LIN28B: variants seen among roughly 807,000 people sequenced by gnomAD.
The protein encoded by LIN28B is lin-28 RNA binding posttranscriptional regulator B.
A neutral mutation model predicts 21.9 loss-of-function variants in LIN28B; 5 were observed. The observed-to-expected ratio is 0.23, with a 90% CI of 0.12 to 0.48. The LOEUF is 0.48. LIN28B is among the 20% of genes least tolerant of loss of function. LIN28B has a pLI of 0.98. For missense variants in LIN28B, 245 were observed against 310.5 expected (o/e 0.79, Z 1.58); for synonymous variants, 109 against 111.3 (o/e 0.98, Z 0.13).
rs112265643 is a variant in LIN28B at position 105,068,632 on chromosome 6, A to G, written c.384-9782A>G. ...TTCCAAACACACGATTTATTATGCA[A>G]CAGAAAGAACCAAATGGCAATTATA... is the stretch of plus-strand genomic sequence containing the variant. On this transcript the variant is annotated intron_variant, in intron 3 of 3. Coordinates refer to ENST00000345080, the MANE Select transcript of LIN28B (RefSeq NM_001004317.4). 1.2e-3 allele frequency among the ~76,000 whole-genome samples: 189 copies of G among 152,328 alleles called. 2 individuals are homozygous for G. The highest frequency in any genetic ancestry group is 4.4e-3 in the African/African-American group (184 of 41,572).
intron 2 of LIN28B, among the ~76,000 whole-genome samples, chr6:104,991,138 G>A (rs1372117177): frequency 1.6e-4 from 6 of 38,598 alleles, no homozygotes; most frequent in Admixed American, 3.6e-4. Context: ...AGGGGCGGCC[G>A]GGCAGAGGCG....
chr6:104,965,363 C>G (rs1285518773), intron 2 of LIN28B, among the ~76,000 whole-genome samples: 1 of 152,016 alleles, frequency 6.6e-6, no homozygotes, highest in Non-Finnish European at 1.5e-5. Flanking sequence ...CCGTCCCTAC[C>G]AAAAAAATTA....
At chr6:105,058,187 G>T (rs1044028401) in intron 3 of LIN28B, 9 of 278,318 alleles carry the variant, frequency 3.2e-5, no homozygotes, top group Non-Finnish European at 5.7e-5. Context: ...GAAATTCTCA[G>T]CTTGAGTTGT....
chr6:105,051,893 T>G (rs1271223120), intron 3 of LIN28B, among the ~76,000 whole-genome samples: 1 of 152,204 alleles, frequency 6.6e-6, no homozygotes, highest in Non-Finnish European at 1.5e-5. Context: ...AAAAACAGAC[T>G]TATTAATAAA....
At chr6:105,042,311 A>G (rs551539627) in intron 3 of LIN28B, among the ~76,000 whole-genome samples, 1 of 152,340 alleles carries the variant, frequency 6.6e-6, no homozygotes, top group South Asian at 2.1e-4. Context: ...TTTCAAGAAG[A>G]CAATGAGCTT....
rs116637445 is a variant in LIN28B, at chr6:105,032,691, T to G, written c.383+6209T>G. On this transcript the variant is annotated intron_variant, in intron 3 of 3. Coordinates refer to ENST00000345080, the MANE Select transcript of LIN28B (RefSeq NM_001004317.4). ...GGGTCGTGATCAGTCTACTGCACCC[T>G]AGCCAGGGTGACAGCAAGACCCTGC... 3.1e-3 allele frequency among the ~76,000 whole-genome samples: 470 copies of G among 151,994 alleles called. 6 individuals are homozygous for G. The highest frequency in any genetic ancestry group is 0.011 in the African/African-American group (448 of 41,466).
upstream of LIN28B, among the ~76,000 whole-genome samples, chr6:104,953,738 G>A (rs1582860722): frequency 2.0e-5 from 3 of 152,306 alleles, no homozygotes; most frequent in East Asian, 5.8e-4. Flanking sequence ...CCTGGGGAGC[G>A]ACCTGCCTGG....
upstream of LIN28B, among the ~76,000 whole-genome samples, chr6:104,955,344 AT>A (rs1326485174): frequency 6.6e-6 from 1 of 152,096 alleles, no homozygotes; most frequent in Admixed American, 6.5e-5. Context: ...CTGGCACAGG[AT>A]TATTCCTCCC....
At chr6:105,046,276 T>C (rs1771759269) in intron 3 of LIN28B, among the ~76,000 whole-genome samples, 1 of 152,182 alleles carries the variant, frequency 6.6e-6, no homozygotes, top group African/African-American at 2.4e-5. Flanking sequence ...GTTTGGTTTT[T>C]TGTCCTTGCG....
rs1409825426 is a variant in LIN28B, at chr6:105,055,981, G to A, written c.384-22433G>A. ...TTTGCCATGTTGCCCAGGCTGGACT[G>A]AACTCCTGGGCTCAAGCAGTCCTTC... is the stretch of plus-strand genomic sequence containing the variant. On this transcript the variant is annotated intron_variant, in intron 3 of 3. Coordinates refer to ENST00000345080, the MANE Select transcript of LIN28B (RefSeq NM_001004317.4). 3.1e-5 allele frequency among the ~76,000 whole-genome samples: 4 copies of A among 129,282 alleles called. No homozygotes were observed. In the East Asian group the frequency reaches 7.3e-4, roughly 24 times the overall value. The allele number at this position is 129,282 out of a possible 152,430, so 84.8% of individuals were successfully genotyped here. A position where few individuals can be genotyped will look rare whatever the true frequency, so the allele number is the denominator to read the frequency against.
Position 105,026,441 on chromosome 6 carries a change from C to T in LIN28B, c.342C>T (p.Pro114=), listed in dbSNP as rs770962930. 8.1e-5 allele frequency: 130 copies of T among 1,605,822 alleles called. No individual in the cohort carries two copies. The Admixed American group carries it at 2.2e-3, about 27-fold the overall frequency. Residue 114 remains proline (P), a synonymous_variant, in exon 3 of 4, where the codon CCC becomes CCT. Transcript: ENST00000345080. ...CCTGTTTAGGAAGTGAAAGAAGACC[C>T]AAAGGGAAGACACTACAGAAAAGAA... ...GSPCLGSERR[P]KGKTLQKRKP... is the part of the protein sequence containing the mutation.
chr6:104,974,132 TTTAA>T (rs1770033872), intron 2 of LIN28B, among the ~76,000 whole-genome samples: 1 of 152,164 alleles, frequency 6.6e-6, no homozygotes, highest in Non-Finnish European at 1.5e-5. Flanking sequence ...GTAGAAATGT[TTTAA>T]TTGTTTACTT....
chr6:105,003,857 A>C (rs1460593992), intron 2 of LIN28B, among the ~76,000 whole-genome samples: 1 of 152,190 alleles, frequency 6.6e-6, no homozygotes, highest in Non-Finnish European at 1.5e-5. Flanking sequence ...AATTTTAAAA[A>C]ATCAATTGTT....
intron 1 of LIN28B, among the ~76,000 whole-genome samples, chr6:104,957,486 T>G (rs1050318450): frequency 6.6e-6 from 1 of 151,958 alleles, no homozygotes. Flanking sequence ...TGAAAAGCTT[T>G]CAGGGGGCTA....
chr6:105,065,988 A>G (rs1406045097), intron 3 of LIN28B, among the ~76,000 whole-genome samples: 1 of 152,188 alleles, frequency 6.6e-6, no homozygotes. Context: ...CCTAGGCAAC[A>G]TAGTGAGACC....
At chr6:104,991,578 G>A (rs995346307) in intron 2 of LIN28B, among the ~76,000 whole-genome samples, 10 of 152,126 alleles carry the variant, frequency 6.6e-5, no homozygotes, top group Admixed American at 3.9e-4. Context: ...ATGGGCGGCC[G>A]GGCAGAGACG....
In LIN28B at chr6:104,991,996, C is replaced by T. The variant is rs546202308; in HGVS notation, c.198+33710C>T. Among the ~76,000 whole-genome samples the T allele has an allele frequency of 3.4e-5, 4 of 118,782 alleles. No homozygotes were observed. The East Asian group carries it at 7.9e-4, about 24-fold the overall frequency. 77.9% of individuals were successfully genotyped at this position (118,782 alleles called of 152,430 possible). On this transcript the variant is annotated intron_variant, in intron 2 of 3. Coordinates refer to ENST00000345080, the MANE Select transcript of LIN28B (RefSeq NM_001004317.4). ...CTTTGGCTCGGCATCAGAGGGAGAC[C>T]GTGGAAAGAGGGAGGGGGAGGGGGA...
chr6:105,078,680 G>T lies in LIN28B; in HGVS notation c.650G>T (p.Arg217Leu). The T allele has an allele frequency of 6.2e-7, 1 of 1,614,092 alleles. No individual in the cohort carries two copies. The highest frequency in any genetic ancestry group is 2.2e-5 in the East Asian group (1 of 44,884). ...PQEARAEISERSGRSPQEASS... is the reference protein window; with the variant it reads ...PQEARAEISELSGRSPQEASS... ...GAGGCTAGGGCAGAGATCTCAGAAC[G>T]GTCAGGCAGGTCACCTCAAGAAGCT... Residue 217 changes from arginine (R) to leucine (L), a missense_variant, in exon 4 of 4, where the codon CGG (arginine) becomes CTG (leucine). Physicochemically the swap from Arg to Leu is moderately radical, Grantham distance 102. Coordinates refer to ENST00000345080, the MANE Select transcript of LIN28B (RefSeq NM_001004317.4).
chr6:105,013,492 C>T lies in LIN28B; in HGVS notation c.199-12806C>T, dbSNP rs568964298. ...GTGGCTCATACCTATAATCCCAGCA[C>T]TTTGGGAGGTTGAGGCAGGAGGATT... On this transcript the variant is annotated intron_variant, in intron 2 of 3. Transcript: ENST00000345080. Among the ~76,000 whole-genome samples, 10 of 151,978 alleles carry T rather than the reference C, an allele frequency of 6.6e-5. No individual in the cohort carries two copies. The South Asian group carries it at 1.9e-3, about 28-fold the overall frequency.
Sources: allele counts gnomAD v4.1 joint callset (sites outside exome capture counted in the v4.1 genomes callset), GRCh38; gene constraint gnomAD v4.1.1; transcripts MANE v1.5; gene names NCBI Gene and HGNC (gene_info 2026-07-23, HGNC 2026-07-21).